The following SLC14A2 variants were observed in gnomAD, a reference collection of about 807,000 sequenced individuals.
The protein encoded by SLC14A2 is solute carrier family 14 member 2.
In SLC14A2, 91 loss-of-function variants were observed where a neutral mutation model predicts 104.6. The observed-to-expected ratio is 0.87, with a 90% CI of 0.73 to 1.04. The LOEUF (loss-of-function observed/expected upper bound fraction) is 1.04, where lower values mean the gene tolerates loss of function less well. Ranked by LOEUF, SLC14A2 falls within the 50% of genes least tolerant of loss-of-function variation. SLC14A2 has a pLI of 0.00. For missense variants in SLC14A2, 1,189 were observed against 1,156.0 expected, an observed-to-expected ratio of 1.03 and a Z score of -0.41; for synonymous variants, 476 against 466.4, an observed-to-expected ratio of 1.02 and a Z score of -0.27.
intron 2 of SLC14A2, among the ~76,000 whole-genome samples, chr18:45,532,153 C>T (rs1264522853): frequency 6.6e-6 from 1 of 152,094 alleles, no homozygotes; most frequent in Non-Finnish European, 1.5e-5. Context: ...CAGCTTTGTT[C>T]TTTTTTCTTA....
At chr18:45,315,100 C>T (rs2085115990) in intron 1 of SLC14A2, among the ~76,000 whole-genome samples, 1 of 152,106 alleles carries the variant, frequency 6.6e-6, no homozygotes, top group African/African-American at 2.4e-5. Context: ...CAATGGCTCC[C>T]TGACAATAAG....
chr18:45,270,458 T>C (rs1024253444), intron 1 of SLC14A2, among the ~76,000 whole-genome samples: 1 of 152,154 alleles, frequency 6.6e-6, no homozygotes, highest in African/African-American at 2.4e-5. Context: ...TGCTTGCTAC[T>C]CTGATGAGAG....
chr18:45,360,673 T>A (rs912114322), intron 1 of SLC14A2, among the ~76,000 whole-genome samples: 1 of 152,240 alleles, frequency 6.6e-6, no homozygotes, highest in African/African-American at 2.4e-5. Context: ...TAGCTGGTGA[T>A]CTGATTTCCA....
At chr18:45,550,736 T>A (rs1039841468) in intron 2 of SLC14A2, among the ~76,000 whole-genome samples, 1 of 152,156 alleles carries the variant, frequency 6.6e-6, no homozygotes, top group Non-Finnish European at 1.5e-5. Flanking sequence ...TAAGGCTGGA[T>A]CTGAGGAGTC....
intron 1 of SLC14A2, among the ~76,000 whole-genome samples, chr18:45,317,129 T>C (rs1390595873): frequency 1.3e-5 from 2 of 152,208 alleles, no homozygotes; most frequent in African/African-American, 2.4e-5. Flanking sequence ...GGTGTTGATA[T>C]TAAAACCACC....
At chr18:45,305,989 A>G (rs1296798824) in intron 1 of SLC14A2, among the ~76,000 whole-genome samples, 1 of 152,236 alleles carries the variant, frequency 6.6e-6, no homozygotes, top group Non-Finnish European at 1.5e-5. Flanking sequence ...GCAGTAATGC[A>G]TATTTAATAT....
intron 3 of SLC14A2, 59 bp from the exon 4 acceptor site, chr18:45,626,899 C>A: frequency 6.9e-7 from 1 of 1,453,670 alleles, no homozygotes; most frequent in Non-Finnish European, 9.5e-7. Flanking sequence ...TGCCAACCAG[C>A]AGTTCAGCAG....
intron 2 of SLC14A2, among the ~76,000 whole-genome samples, chr18:45,579,972 G>A (rs2144357196): frequency 6.6e-6 from 1 of 152,334 alleles, no homozygotes. Flanking sequence ...GAAAAGGAAT[G>A]GGGGACTCGG....
intron 1 of SLC14A2, among the ~76,000 whole-genome samples, chr18:45,242,923 A>T (rs1429270418): frequency 1.3e-5 from 2 of 152,202 alleles, no homozygotes; most frequent in Non-Finnish European, 2.9e-5. Flanking sequence ...CTAAGTATTG[A>T]AATGTCAACC....
upstream of SLC14A2, among the ~76,000 whole-genome samples, chr18:45,212,209 A>G (rs1197068082): frequency 6.6e-6 from 1 of 152,224 alleles, no homozygotes; most frequent in African/African-American, 2.4e-5. Flanking sequence ...TTCATTTCGT[A>G]TAGTGCACAT....
intron 1 of SLC14A2, among the ~76,000 whole-genome samples, chr18:45,388,298 G>A (rs71356490): frequency 0.027 from 4,147 of 151,986 alleles, 88 homozygotes; most frequent in African/African-American, 0.041. Flanking sequence ...TCCTGACCTC[G>A]TGATCCACCT....
chr18:45,624,549 C>A, intron 1 of SLC14A2, 82 bp from the exon 2 acceptor site: 1 of 1,022,584 alleles, frequency 9.8e-7, no homozygotes, highest in Non-Finnish European at 1.4e-6. Flanking sequence ...CCAGGACAGA[C>A]CTGAGGTCTG....
Position 45,563,858 on chromosome 18 carries a change from G to A in SLC14A2, c.-34-60773G>A, listed in dbSNP as rs760357012. 1.1e-4 allele frequency among the ~76,000 whole-genome samples: 16 copies of A among 152,186 alleles called. 1 individual carries two copies. Among genetic ancestry groups the A allele is most frequent in the Admixed American group, 3.3e-4 (5 of 15,282 alleles). ...CACAATTTGTCACTGGTAATGCCAC[G>A]TGAATTTTCAGGATTGTTATCAACT... On this transcript the variant is annotated intron_variant, in intron 2 of 20. Transcript: ENST00000586448.
intron 2 of SLC14A2, among the ~76,000 whole-genome samples, chr18:45,537,659 T>G (rs2043816171): frequency 6.6e-6 from 1 of 152,182 alleles, no homozygotes. Context: ...CAGAGGAGTG[T>G]CATGATTTGA....
chr18:45,452,531 C>A (rs1177578195), intron 1 of SLC14A2, among the ~76,000 whole-genome samples: 1 of 152,220 alleles, frequency 6.6e-6, no homozygotes, highest in Non-Finnish European at 1.5e-5. Context: ...CAAAGAAGGA[C>A]TCTAACATTA....
At chr18:45,256,683 A>G (rs757187108) in intron 1 of SLC14A2, among the ~76,000 whole-genome samples, 14 of 152,252 alleles carry the variant, frequency 9.2e-5, no homozygotes, top group Non-Finnish European at 1.9e-4. Context: ...CAGATTCTGG[A>G]AGGTTCAAAT....
chr18:45,330,382 A>G (rs11661915), intron 1 of SLC14A2, among the ~76,000 whole-genome samples: 13,498 of 152,176 alleles, frequency 0.089, 713 homozygotes, highest in South Asian at 0.12. Context: ...GGGAAAATTT[A>G]TCATTAGGCT....
At chr18:45,443,416 G>C (rs576815096) in intron 1 of SLC14A2, among the ~76,000 whole-genome samples, 1 of 152,310 alleles carries the variant, frequency 6.6e-6, no homozygotes, top group African/African-American at 2.4e-5. Context: ...GCCCAGTAAG[G>C]CCTGTCTGTC....
At chr18:45,484,656 G>T (rs1367360391) in intron 2 of SLC14A2, among the ~76,000 whole-genome samples, 3 of 152,198 alleles carry the variant, frequency 2.0e-5, no homozygotes, top group Non-Finnish European at 2.9e-5. Flanking sequence ...GAAGTGGTAG[G>T]TGTGCCTGCC....
Sources: allele counts gnomAD v4.1 joint callset (sites outside exome capture counted in the v4.1 genomes callset), GRCh38; gene constraint gnomAD v4.1.1; transcripts MANE v1.5; gene names NCBI Gene and HGNC (gene_info 2026-07-23, HGNC 2026-07-21).